BICRA: variants seen among roughly 807,000 people sequenced by gnomAD.
BICRA encodes BRD4 interacting chromatin remodeling complex associated protein, also known as BRD4-interacting chromatin-remodeling complex-associated protein.
In BICRA, 31 loss-of-function variants were observed where a neutral mutation model predicts 96.9. The ratio of observed to expected loss-of-function variants is 0.32; its 90% CI spans 0.24 to 0.43. BICRA has a LOEUF of 0.43. BICRA is among the 20% of genes least tolerant of loss of function. The pLI, the probability that BICRA is intolerant of heterozygous loss-of-function variation, is 1.00. For missense variants in BICRA, 2,283 were observed against 2,190.3 expected (o/e 1.04, Z -0.84); for synonymous variants, 1,350 against 1,071.8 (o/e 1.26, Z -5.07).
intron 1 of BICRA, chr19:47,615,568 G>A (rs1311115842): frequency 6.6e-6 from 1 of 151,444 alleles, no homozygotes; most frequent in African/African-American, 2.4e-5. Context: ...TTGGGGCCTT[G>A]GTTTTCCCCT....
intron 1 of BICRA, among the ~76,000 whole-genome samples, chr19:47,643,470 C>T (rs1450449670): frequency 1.3e-5 from 2 of 152,184 alleles, no homozygotes; most frequent in Non-Finnish European, 2.9e-5. Context: ...ACACTGGCAG[C>T]ATCCCTGGCA....
rs1973036270 is a variant in BICRA at position 47,680,823 on chromosome 19, G to T, written c.1653G>T (p.Gln551His). 1 of 1,603,094 alleles carries T rather than the reference G, an allele frequency of 6.2e-7. No homozygotes were observed. Among genetic ancestry groups the T allele is most frequent in the African/African-American group, 1.3e-5 (1 of 74,330 alleles). The change falls in exon 6 of 15, where the codon CAG becomes CAT. Residue 551 changes from glutamine (Q) to histidine (H), a missense_variant. Transcript: ENST00000594866. Reference sequence around the variant, plus strand: ...CCGCCGCTCCCATCCAGGTGGGCCAGCCTGCGCTCTTCCAGATGCCCGTGT... The same window carrying T: ...CCGCCGCTCCCATCCAGGTGGGCCATCCTGCGCTCTTCCAGATGCCCGTGT... ...ILSAAPIQVGQPALFQMPVSL... is the reference protein window; with the variant it reads ...ILSAAPIQVGHPALFQMPVSL...
chr19:47,698,708 A>G lies in BICRA; in HGVS notation c.3323A>G (p.Glu1108Gly). The G allele has an allele frequency of 6.2e-7, 1 of 1,603,994 alleles. No homozygotes were observed. Among genetic ancestry groups the G allele is most frequent in the South Asian group, 1.1e-5 (1 of 90,890 alleles). ...TACAAGACGGCCTTCCCCTCCTTTG[A>G]GGACGCCCTGCATCGCCTCCTGCCC... ...PDYKTAFPSFEDALHRLLPYH... is the reference protein window; with the variant it reads ...PDYKTAFPSFGDALHRLLPYH... The change falls in exon 12 of 15, where the codon GAG (glutamate) becomes GGG (glycine). Residue 1108 changes from glutamate to glycine, a missense_variant. Coordinates refer to ENST00000594866, the MANE Select transcript of BICRA (RefSeq NM_001394372.1). The surrounding 1 kb of genome is among the most constrained non-coding windows in gnomAD (Gnocchi z 4.8).
intron 1 of BICRA, among the ~76,000 whole-genome samples, chr19:47,652,895 C>T (rs1972560109): frequency 6.6e-6 from 1 of 152,046 alleles, no homozygotes; most frequent in Non-Finnish European, 1.5e-5. Flanking sequence ...TATCATGTCT[C>T]CTTCACCCTT....
At chr19:47,648,517 C>CA (rs772005668) in intron 1 of BICRA, among the ~76,000 whole-genome samples, 3 of 151,582 alleles carry the variant, frequency 2.0e-5, no homozygotes, top group Non-Finnish European at 2.9e-5. Flanking sequence ...TGCAGTAAAG[C>CA]AAGCAGGAGA....
chr19:47,658,723 A>T (rs530786304), intron 1 of BICRA, among the ~76,000 whole-genome samples: 6 of 151,572 alleles, frequency 4.0e-5, no homozygotes, highest in Non-Finnish European at 7.4e-5. Context: ...ATCACCTGGG[A>T]ACTCATTAGA....
intron 7 of BICRA, among the ~76,000 whole-genome samples, chr19:47,690,926 C>T (rs1191037010): frequency 2.0e-5 from 3 of 152,062 alleles, no homozygotes; most frequent in Non-Finnish European, 2.9e-5. Context: ...GTACAGAGAG[C>T]TCATAGGAGT....
rs1973400793 is a variant in BICRA, at chr19:47,699,220, C to G, written c.3493-83C>G. On this transcript the variant is annotated intron_variant, in intron 13 of 14. Transcript: ENST00000594866. The surrounding 1 kb of genome is among the most constrained non-coding windows in gnomAD (Gnocchi z 5.0). ...GCTCCCATCACAAGGACAGTTTGGACCTTGCACGCATCGTCCCCGTCGCTC... is the reference window on the plus strand; with the variant it reads ...GCTCCCATCACAAGGACAGTTTGGAGCTTGCACGCATCGTCCCCGTCGCTC... 4 of 901,536 alleles carry G rather than the reference C, an allele frequency of 4.4e-6. No individual in the cohort carries two copies. Among genetic ancestry groups the G allele is most frequent in the South Asian group, 4.3e-5 (3 of 69,980 alleles). 55.8% of individuals were successfully genotyped at this position (901,536 alleles called of 1,614,324 possible). A position where few individuals can be genotyped will look rare whatever the true frequency, so the allele number is the denominator to read the frequency against.
At chr19:47,682,726 C>T (rs1461588537) in intron 7 of BICRA, among the ~76,000 whole-genome samples, 17 of 150,772 alleles carry the variant, frequency 1.1e-4, no homozygotes, top group Non-Finnish European at 2.9e-5. Context: ...GGCTGGAGTG[C>T]AGTGGCGCGA....
chr19:47,696,235 C>T (rs1171558632), intron 10 of BICRA, among the ~76,000 whole-genome samples: 5 of 152,106 alleles, frequency 3.3e-5, no homozygotes. Context: ...GGGCTCCAGC[C>T]TGCCTGTCAC....
At chr19:47,652,227 C>T (rs891349277) in intron 1 of BICRA, among the ~76,000 whole-genome samples, 5 of 152,020 alleles carry the variant, frequency 3.3e-5, no homozygotes, top group African/African-American at 4.8e-5. Context: ...ACAAGGTCAC[C>T]CAGGCTGGAG....
intron 1 of BICRA, chr19:47,626,253 A>G (rs1972137331): frequency 6.6e-6 from 1 of 152,266 alleles, no homozygotes; most frequent in African/African-American, 2.4e-5. Flanking sequence ...AGGTAGGTGC[A>G]GGGAGCACCC....
At chr19:47,664,034 C>G (rs1972740634) in intron 1 of BICRA, 1 of 152,072 alleles carries the variant, frequency 6.6e-6, no homozygotes, top group Admixed American at 6.6e-5. Flanking sequence ...AAGTGTTAAC[C>G]CTGCACAGAG....
chr19:47,686,085 C>T (rs187655262), intron 7 of BICRA, among the ~76,000 whole-genome samples: 51 of 151,784 alleles, frequency 3.4e-4, no homozygotes, highest in African/African-American at 1.0e-3. Flanking sequence ...CGCACGCCAC[C>T]GCATCCAGCT....
chr19:47,694,407 A>T lies in BICRA; in HGVS notation c.2576A>T (p.Gln859Leu), dbSNP rs1482912579. 1.1e-6 allele frequency: 1 copy of T among 873,810 alleles called. No homozygotes were observed. Among genetic ancestry groups the T allele is most frequent in the Non-Finnish European group, 1.7e-6 (1 of 582,406 alleles). The allele number at this position is 873,810 out of a possible 1,614,324, so 54.1% of individuals were successfully genotyped here. A position where few individuals can be genotyped will look rare whatever the true frequency, so the allele number is the denominator to read the frequency against. ...GCCCCTACTGCCCCAGGCCCGCCGC[A>T]GCCGCCTCTCCGCCCCCAGTCCCAG... ...NPAPTAPGPPQPPLRPQSQPP... is the reference protein window; with the variant it reads ...NPAPTAPGPPLPPLRPQSQPP... Residue 859 changes from glutamine to leucine, a missense_variant, in exon 8 of 15, where the codon CAG becomes CTG. Transcript: ENST00000594866.
intron 1 of BICRA, among the ~76,000 whole-genome samples, chr19:47,646,786 C>T (rs1568556314): frequency 1.3e-5 from 2 of 151,988 alleles, no homozygotes; most frequent in Admixed American, 1.3e-4. Context: ...TTTTTTTTAA[C>T]AGCTTTATTG....
chr19:47,668,186 C>T (rs1377929998), intron 1 of BICRA, among the ~76,000 whole-genome samples: 2 of 152,276 alleles, frequency 1.3e-5, no homozygotes, highest in East Asian at 1.9e-4. Context: ...GCCGAGATCG[C>T]GTCATTGCAC....
intron 1 of BICRA, among the ~76,000 whole-genome samples, chr19:47,609,429 C>G (rs1425649570): frequency 6.7e-6 from 1 of 149,324 alleles, no homozygotes; most frequent in African/African-American, 2.5e-5. Context: ...ACCGGCACCC[C>G]CAGCCCCGCG....
At chr19:47,664,610 C>G (rs1045206022) in intron 1 of BICRA, among the ~76,000 whole-genome samples, 7 of 152,174 alleles carry the variant, frequency 4.6e-5, no homozygotes, top group African/African-American at 1.7e-4. Flanking sequence ...GGAGTAAGCA[C>G]AGGGGCTGGT....
Sources: gnomAD v4.1 joint callset for allele counts (sites outside exome capture counted in the v4.1 genomes callset) on GRCh38, gnomAD v4.1.1 for gene constraint, Gnocchi (gnomAD v3.1) non-coding constraint, MANE v1.5 for transcripts, NCBI Gene and HGNC (gene_info 2026-07-23, HGNC 2026-07-21) for gene names.